MDGA2: variants seen among roughly 807,000 people sequenced by gnomAD.
The protein encoded by MDGA2 is MAM domain containing glycosylphosphatidylinositol anchor 2.
A neutral mutation model predicts 117.8 loss-of-function variants in MDGA2; 40 were observed. That is an observed-to-expected ratio of 0.34 (90% CI 0.26 to 0.44). The LOEUF is 0.44. Among genes scored for constraint, MDGA2 ranks in the 20% least tolerant of loss-of-function variants. The pLI is 1.00. For synonymous variants in MDGA2, 452 were observed against 439.0 expected (o/e 1.03, Z -0.37); for missense variants, 1,123 against 1,250.6 (o/e 0.90, Z 1.54).
intron 1 of MDGA2, among the ~76,000 whole-genome samples, chr14:47,479,812 G>A (rs1893915299): frequency 6.6e-6 from 1 of 151,286 alleles, no homozygotes; most frequent in South Asian, 2.1e-4. Context: ...CATTCCCTTA[G>A]TGATGGCATC....
At chr14:47,291,783 C>T (rs1298871326) in intron 2 of MDGA2, among the ~76,000 whole-genome samples, 1 of 152,200 alleles carries the variant, frequency 6.6e-6, no homozygotes, top group Non-Finnish European at 1.5e-5. Context: ...ATGCTTATGA[C>T]TTTTGCACCA....
intron 3 of MDGA2, among the ~76,000 whole-genome samples, chr14:47,148,324 G>C (rs947669815): frequency 1.3e-5 from 2 of 152,132 alleles, no homozygotes; most frequent in African/African-American, 4.8e-5. Context: ...TGATAGTGAG[G>C]TCACTTCTTG....
chr14:47,494,254 T>C (rs1310140127), intron 1 of MDGA2, among the ~76,000 whole-genome samples: 2 of 152,220 alleles, frequency 1.3e-5, no homozygotes, highest in Admixed American at 6.6e-5. Context: ...ATCAGACTAA[T>C]ACATTGTGTA....
chr14:47,202,541 C>T (rs755879020), intron 3 of MDGA2, among the ~76,000 whole-genome samples: 28 of 152,058 alleles, frequency 1.8e-4, no homozygotes, highest in Admixed American at 1.3e-4. Flanking sequence ...TGCCATTTGT[C>T]GATAGGAATT....
At chr14:47,203,422 A>C (rs974423401) in intron 3 of MDGA2, among the ~76,000 whole-genome samples, 1 of 151,924 alleles carries the variant, frequency 6.6e-6, no homozygotes, top group Non-Finnish European at 1.5e-5. Context: ...AGGAAGACAG[A>C]GAATGTTTGA....
At position 47,604,237 on chromosome 14, in the gene MDGA2, T is replaced by A. The variant is rs79816334; in HGVS notation, c.280+70280A>T. Among the ~76,000 whole-genome samples, 454 of 152,204 alleles carry A rather than the reference T, an allele frequency of 3.0e-3. 10 individuals are homozygous for A. In the East Asian group the frequency reaches 0.066, roughly 22 times the overall value. On this transcript the variant is annotated intron_variant, in intron 1 of 16. Transcript: ENST00000399232. ...TTCATGTTGGCAGTTCAAATGTCAC[T>A]TTCTCCTTTCCTTCCCACCTCCATC...
chr14:46,862,217 C>T (rs114778025), intron 14 of MDGA2, among the ~76,000 whole-genome samples: 46 of 151,734 alleles, frequency 3.0e-4, no homozygotes, highest in African/African-American at 1.1e-3. Flanking sequence ...TTTCTTAATT[C>T]TCATCTTTTG....
chr14:46,908,030 C>T (rs1304550232), intron 10 of MDGA2, among the ~76,000 whole-genome samples: 1 of 152,078 alleles, frequency 6.6e-6, no homozygotes, highest in Non-Finnish European at 1.5e-5. Flanking sequence ...TGATATAAGT[C>T]CCCACGAAGA....
intron 8 of MDGA2, among the ~76,000 whole-genome samples, chr14:47,013,781 T>TATATATATATATAA (rs1887983333): frequency 7.7e-6 from 1 of 129,562 alleles, no homozygotes. Context: ...TGTATATATA[T>TATATATATATATAA]ATATATATAT....
chr14:47,494,521 G>A (rs1894238219), intron 1 of MDGA2, among the ~76,000 whole-genome samples: 1 of 152,124 alleles, frequency 6.6e-6, no homozygotes, highest in Non-Finnish European at 1.5e-5. Flanking sequence ...TTGCTGTGCA[G>A]AAGCTTTTTA....
rs766330288 is a variant in MDGA2 at position 46,850,024 on chromosome 14, T to G, written c.2884-4153A>C. On this transcript the variant is annotated intron_variant, in intron 15 of 16. Coordinates refer to ENST00000399232, the MANE Select transcript of MDGA2 (RefSeq NM_001113498.3). ...GCACTATTATTTAAAATTATTTCCC[T>G]TAATTGAAATGACAAGTTTAAAACT... Among the ~76,000 whole-genome samples the G allele has an allele frequency of 1.1e-4, 16 of 151,986 alleles. 1 individual carries two copies. Among genetic ancestry groups the G allele is most frequent in the Admixed American group, 2.6e-4 (4 of 15,238 alleles).
At chr14:47,284,567 C>T (rs568740051) in intron 2 of MDGA2, among the ~76,000 whole-genome samples, 44 of 152,260 alleles carry the variant, frequency 2.9e-4, no homozygotes, top group Admixed American at 2.7e-3. Context: ...TCTTGGTTGA[C>T]TTGCATGCAT....
At chr14:46,873,623 C>T (rs1882103151) in intron 13 of MDGA2, 32 bp from the exon 14 acceptor site, 4 of 1,574,042 alleles carry the variant, frequency 2.5e-6, no homozygotes, top group Non-Finnish European at 3.5e-6. Context: ...TGTTTAAACA[C>T]ATTATTCTTA....
chr14:47,263,165 C>T (rs1887854901), intron 2 of MDGA2, among the ~76,000 whole-genome samples: 1 of 151,998 alleles, frequency 6.6e-6, no homozygotes, highest in African/African-American at 2.4e-5. Flanking sequence ...TTTAAGTTTT[C>T]TAAGTTCAAT....
intron 9 of MDGA2, among the ~76,000 whole-genome samples, chr14:46,949,220 G>C (rs943022421): frequency 1.3e-5 from 2 of 152,000 alleles, no homozygotes; most frequent in African/African-American, 2.4e-5. Context: ...CCATTCATGG[G>C]AGAACTTTCT....
At chr14:47,462,733 ATT>A (rs148725077) in intron 1 of MDGA2, among the ~76,000 whole-genome samples, 2 of 150,142 alleles carry the variant, frequency 1.3e-5, no homozygotes, top group African/African-American at 4.9e-5. Flanking sequence ...ACAATGAAGC[ATT>A]TTTTTTTTAA....
chr14:46,911,556 C>T (rs987324738), intron 10 of MDGA2, among the ~76,000 whole-genome samples: 1 of 152,074 alleles, frequency 6.6e-6, no homozygotes, highest in African/African-American at 2.4e-5. Flanking sequence ...TTAACTACAA[C>T]TGAAAATGAT....
intron 1 of MDGA2, among the ~76,000 whole-genome samples, chr14:47,394,417 G>A (rs1310185577): frequency 6.6e-6 from 1 of 152,072 alleles, no homozygotes; most frequent in Non-Finnish European, 1.5e-5. Flanking sequence ...TTACCATTAA[G>A]AAACCATCTT....
chr14:47,570,301 CTT>C (rs2138819083), intron 1 of MDGA2, among the ~76,000 whole-genome samples: 1 of 152,204 alleles, frequency 6.6e-6, no homozygotes, highest in South Asian at 2.1e-4. Flanking sequence ...TTTGCCATTA[CTT>C]TCAATGGCAA....
Sources: allele counts gnomAD v4.1 joint callset (sites outside exome capture counted in the v4.1 genomes callset), GRCh38; gene constraint gnomAD v4.1.1; transcripts MANE v1.5; gene names NCBI Gene and HGNC (gene_info 2026-07-23, HGNC 2026-07-21).